CABLES1: variants seen among roughly 807,000 people sequenced by gnomAD.
The protein encoded by CABLES1 is Cdk5 and Abl enzyme substrate 1.
Under a neutral mutation model 57.8 loss-of-function variants are expected in CABLES1, and 36 were observed. The observed-to-expected ratio is 0.62, with a 90% CI of 0.48 to 0.82. The LOEUF is 0.82. CABLES1 is among the 40% of genes least tolerant of loss of function. The pLI is 0.00. For missense variants in CABLES1, 767 were observed against 836.6 expected, an observed-to-expected ratio of 0.92 and a Z score of 1.03; for synonymous variants, 374 against 363.0, an observed-to-expected ratio of 1.03 and a Z score of -0.35.
chr18:23,135,608 C>G lies in CABLES1; in HGVS notation c.-155C>G, dbSNP rs2046812182. 2.2e-6 allele frequency: 1 copy of G among 459,676 alleles called. No homozygotes were observed. The highest frequency in any genetic ancestry group is 2.1e-5 in the African/African-American group (1 of 46,734). The allele number at this position is 459,676 out of a possible 1,614,324, so 28.5% of individuals were successfully genotyped here. ...CCCATCCCCAGCACCGAGGGGCGAG[C>G]ATGGCCCGCCCGCGGGGGGGCTGGA... On this transcript the variant is annotated 5_prime_UTR_variant, in exon 1 of 10. Coordinates refer to ENST00000256925, the MANE Select transcript of CABLES1 (RefSeq NM_001100619.3).
intron 1 of CABLES1, among the ~76,000 whole-genome samples, chr18:23,154,488 GA>G (rs2046953086): frequency 2.0e-5 from 3 of 152,186 alleles, no homozygotes; most frequent in African/African-American, 7.2e-5. Context: ...CATCTGTAAA[GA>G]GGGGGAGACG....
At chr18:23,214,817 T>G (rs1430957153) in intron 4 of CABLES1, 2 of 152,284 alleles carry the variant, frequency 1.3e-5, no homozygotes, top group Non-Finnish European at 2.9e-5. Context: ...ACCACAGACA[T>G]GTGACCACTG....
intron 4 of CABLES1, among the ~76,000 whole-genome samples, chr18:23,234,079 G>A (rs1458993892): frequency 3.3e-5 from 5 of 152,074 alleles, no homozygotes; most frequent in Non-Finnish European, 4.4e-5. Flanking sequence ...TTAGCCGGCC[G>A]TGGTGGTGCG....
chr18:23,246,558 A>ATTTTTTTTTT (rs1266185267), intron 7 of CABLES1, among the ~76,000 whole-genome samples: 1 of 151,568 alleles, frequency 6.6e-6, no homozygotes, highest in African/African-American at 2.4e-5. Flanking sequence ...CACCCGGCTA[A>ATTTTTTTTTT]TTTTTTGTGT....
intron 1 of CABLES1, among the ~76,000 whole-genome samples, chr18:23,163,782 A>G (rs916011093): frequency 5.9e-5 from 9 of 152,178 alleles, no homozygotes; most frequent in Non-Finnish European, 1.0e-4. Context: ...TAGTGGAGGG[A>G]GTTCCTTGAG....
At chr18:23,239,108 T>C (rs574202476) in intron 7 of CABLES1, among the ~76,000 whole-genome samples, 2 of 152,244 alleles carry the variant, frequency 1.3e-5, no homozygotes, top group Non-Finnish European at 2.9e-5. Context: ...ATGATTTCAT[T>C]GTGAGCCTTG....
intron 3 of CABLES1, among the ~76,000 whole-genome samples, chr18:23,209,211 C>G (rs1279141937): frequency 6.6e-6 from 1 of 152,192 alleles, no homozygotes; most frequent in African/African-American, 2.4e-5. Context: ...CTTGGTCCAG[C>G]ATATCTACAT....
At chr18:23,152,862 C>T (rs1256595316) in intron 1 of CABLES1, among the ~76,000 whole-genome samples, 2 of 151,700 alleles carry the variant, frequency 1.3e-5, no homozygotes, top group Non-Finnish European at 2.9e-5. Context: ...AGTGCAATGG[C>T]GTGATCTTGG....
At chr18:23,163,869 T>C (rs1349224261) in intron 1 of CABLES1, among the ~76,000 whole-genome samples, 1 of 152,202 alleles carries the variant, frequency 6.6e-6, no homozygotes, top group African/African-American at 2.4e-5. Context: ...TTTTGTTCAT[T>C]AGTATTTTAA....
chr18:23,165,804 C>A (rs1351160868), intron 1 of CABLES1, among the ~76,000 whole-genome samples: 1 of 152,206 alleles, frequency 6.6e-6, no homozygotes, highest in Non-Finnish European at 1.5e-5. Flanking sequence ...AATGATGCCG[C>A]TATGAGCATA....
intron 1 of CABLES1, among the ~76,000 whole-genome samples, chr18:23,183,706 T>C (rs1024512475): frequency 6.6e-6 from 1 of 152,216 alleles, no homozygotes; most frequent in Non-Finnish European, 1.5e-5. Flanking sequence ...TCTTACCATA[T>C]GTCTACTTGG....
intron 1 of CABLES1, among the ~76,000 whole-genome samples, chr18:23,155,258 T>A (rs546129057): frequency 6.6e-6 from 1 of 152,278 alleles, no homozygotes; most frequent in African/African-American, 2.4e-5. Flanking sequence ...ATAAAAAAAA[T>A]ATTTACATAG....
chr18:23,175,430 C>T (rs1362606917), intron 1 of CABLES1, among the ~76,000 whole-genome samples: 1 of 152,096 alleles, frequency 6.6e-6, no homozygotes, highest in African/African-American at 2.4e-5. Context: ...GCTGGCTTGC[C>T]GAAGGTCTTG....
At position 23,135,989 on chromosome 18, in the gene CABLES1, G is replaced by C; in HGVS notation, c.227G>C (p.Gly76Ala). The change falls in exon 1 of 10, where the codon GGC becomes GCC. Residue 76 changes from glycine to alanine, a missense_variant. Gly to Ala is a moderately conservative substitution (Grantham distance 60). This residue lies in a region of CABLES1 where 198 missense variants were observed against 149.7 expected (regional missense o/e 1.32). Coordinates refer to ENST00000256925, the MANE Select transcript of CABLES1 (RefSeq NM_001100619.3). ...LSFLTNISLDGRLPPQDAEWG... is the reference protein window; with the variant it reads ...LSFLTNISLDARLPPQDAEWG... ...TTCCTCACCAACATCTCGCTGGACG[G>C]CCGGCTGCCGCCGCAGGACGCGGAG... is the stretch of plus-strand genomic sequence containing the variant. The C allele has an allele frequency of 1.8e-6, 2 of 1,136,702 alleles. No homozygotes were observed. Among genetic ancestry groups the C allele is most frequent in the Non-Finnish European group, 2.2e-6 (2 of 927,310 alleles). The allele number at this position is 1,136,702 out of a possible 1,614,324, so 70.4% of individuals were successfully genotyped here. A position where few individuals can be genotyped will look rare whatever the true frequency, so the allele number is the denominator to read the frequency against.
chr18:23,192,915 G>A (rs1255472903), intron 2 of CABLES1, among the ~76,000 whole-genome samples: 6 of 152,142 alleles, frequency 3.9e-5, no homozygotes, highest in African/African-American at 1.2e-4. Flanking sequence ...TAGTGGCCCA[G>A]GCGCAGTGGC....
At chr18:23,184,311 G>A (rs879384427) in intron 1 of CABLES1, among the ~76,000 whole-genome samples, 45 of 123,562 alleles carry the variant, frequency 3.6e-4, no homozygotes, top group Non-Finnish European at 5.0e-4. Context: ...ACTGGCACGT[G>A]TGTGTGTGTG....
intron 3 of CABLES1, among the ~76,000 whole-genome samples, chr18:23,212,772 G>A (rs1442213674): frequency 6.6e-6 from 1 of 152,060 alleles, no homozygotes; most frequent in Non-Finnish European, 1.5e-5. Flanking sequence ...GCACCAAAAA[G>A]GGAACAAAAA....
At chr18:23,248,750 A>G (rs539377972) in intron 7 of CABLES1, among the ~76,000 whole-genome samples, 14 of 152,246 alleles carry the variant, frequency 9.2e-5, no homozygotes, top group Non-Finnish European at 2.1e-4. Context: ...GCTTGAACCC[A>G]GGAGGCAGGG....
chr18:23,223,709 A>G (rs879771283), intron 4 of CABLES1, among the ~76,000 whole-genome samples: 1 of 151,688 alleles, frequency 6.6e-6, no homozygotes, highest in Non-Finnish European at 1.5e-5. Flanking sequence ...CCCTGCCTGC[A>G]TCCTCTCCGC....
Sources: allele counts gnomAD v4.1 joint callset (sites outside exome capture counted in the v4.1 genomes callset), GRCh38; gene constraint gnomAD v4.1.1; regional missense constraint gnomAD v4.1.1; transcripts MANE v1.5; gene names NCBI Gene and HGNC (gene_info 2026-07-23, HGNC 2026-07-21).